SND1: variants seen among roughly 807,000 people sequenced by gnomAD.
SND1 encodes the protein staphylococcal nuclease and tudor domain containing 1.
Under a neutral mutation model 121.7 loss-of-function variants are expected in SND1, and 38 were observed. The ratio of observed to expected loss-of-function variants is 0.31; its 90% CI spans 0.24 to 0.41. The LOEUF (loss-of-function observed/expected upper bound fraction) is 0.41, where lower values mean the gene tolerates loss of function less well. Among genes scored for constraint, SND1 ranks in the 10% least tolerant of loss-of-function variants. The pLI is 1.00. For missense variants in SND1, 868 were observed against 1,184.6 expected, an observed-to-expected ratio of 0.73 and a Z score of 3.92; for synonymous variants, 401 against 447.4, an observed-to-expected ratio of 0.90 and a Z score of 1.31.
chr7:128,004,746 T>C (rs766833533), intron 16 of SND1, among the ~76,000 whole-genome samples: 4 of 152,232 alleles, frequency 2.6e-5, no homozygotes, highest in African/African-American at 9.6e-5. Flanking sequence ...CCAGCCATCA[T>C]AACCGTGTGT....
intron 15 of SND1, among the ~76,000 whole-genome samples, chr7:127,986,288 T>A (rs1802388275): frequency 6.6e-6 from 1 of 152,228 alleles, no homozygotes; most frequent in Non-Finnish European, 1.5e-5. Flanking sequence ...TGTCTCTAAA[T>A]GTATAATTTT....
intron 10 of SND1, among the ~76,000 whole-genome samples, chr7:127,797,549 C>T (rs1475471749): frequency 2.6e-5 from 4 of 152,098 alleles, no homozygotes; most frequent in Non-Finnish European, 4.4e-5. Context: ...CAGAGCACTT[C>T]GGGGGTGGGA....
chr7:127,785,844 A>G (rs2116529577), intron 10 of SND1, among the ~76,000 whole-genome samples: 1 of 152,320 alleles, frequency 6.6e-6, no homozygotes, highest in East Asian at 1.9e-4. Context: ...AGATCATTGA[A>G]TTTAAGTTAT....
At position 127,807,582 on chromosome 7, in the gene SND1, T is replaced by G; in HGVS notation, c.1242+9T>G. On this transcript the variant is annotated intron_variant, in intron 11 of 23. Coordinates refer to ENST00000354725, the MANE Select transcript of SND1 (RefSeq NM_014390.4). ...AGCTTATTGGGAAGAAGGTAAGTAA[T>G]TGATGACAGAAGCATATTTGCAAGT... The G allele has an allele frequency of 1.2e-6, 2 of 1,606,034 alleles. No individual in the cohort carries two copies. The highest frequency in any genetic ancestry group is 1.7e-6 in the Non-Finnish European group (2 of 1,172,642).
At chr7:128,003,744 G>C (rs983778720) in intron 16 of SND1, among the ~76,000 whole-genome samples, 1 of 152,218 alleles carries the variant, frequency 6.6e-6, no homozygotes, top group African/African-American at 2.4e-5. Context: ...CCTGCCACTT[G>C]GTAATTTTAG....
intron 22 of SND1, among the ~76,000 whole-genome samples, 163 bp from the exon 23 acceptor site, chr7:128,091,674 A>G (rs1192210451): frequency 6.6e-6 from 1 of 152,164 alleles, no homozygotes; most frequent in African/African-American, 2.4e-5. Flanking sequence ...CCAGGAGACT[A>G]ATGTGATTGT....
intron 17 of SND1, among the ~76,000 whole-genome samples, 169 bp downstream of exon 17, chr7:128,074,859 C>T (rs1476285292): frequency 1.3e-5 from 2 of 152,226 alleles, no homozygotes; most frequent in African/African-American, 4.8e-5. Context: ...GGAGAGGCTG[C>T]CAGCTGAGGT....
chr7:128,036,274 T>C (rs532357583), intron 16 of SND1, among the ~76,000 whole-genome samples: 1 of 152,332 alleles, frequency 6.6e-6, no homozygotes, highest in South Asian at 2.1e-4. Flanking sequence ...TAGCCATGAA[T>C]TTTCTGTTTA....
At chr7:127,713,123 T>C (rs116155235) in intron 9 of SND1, among the ~76,000 whole-genome samples, 1 of 152,266 alleles carries the variant, frequency 6.6e-6, no homozygotes, top group Non-Finnish European at 1.5e-5. Flanking sequence ...TTAGGCTTGG[T>C]GGCCATGTGG....
intron 12 of SND1, among the ~76,000 whole-genome samples, chr7:127,864,965 G>A (rs922670011): frequency 2.6e-5 from 4 of 152,208 alleles, no homozygotes; most frequent in African/African-American, 9.6e-5. Flanking sequence ...ATGAGGATGT[G>A]AGTGAACTCA....
At chr7:127,726,486 A>G (rs141583387) in intron 10 of SND1, among the ~76,000 whole-genome samples, 267 of 152,314 alleles carry the variant, frequency 1.8e-3, no homozygotes, top group African/African-American at 6.1e-3. Context: ...TGTTTTATCC[A>G]GTTGTTTGCT....
chr7:127,659,242 G>A (rs1266191324), intron 1 of SND1, among the ~76,000 whole-genome samples: 1 of 152,084 alleles, frequency 6.6e-6, no homozygotes, highest in Non-Finnish European at 1.5e-5. Context: ...GTGAACATTC[G>A]ATATAGATGG....
At chr7:127,877,822 G>A (rs1170890173) in intron 12 of SND1, among the ~76,000 whole-genome samples, 1 of 152,094 alleles carries the variant, frequency 6.6e-6, no homozygotes, top group African/African-American at 2.4e-5. Flanking sequence ...GTGAGATGTG[G>A]CCTCTGAAGC....
At position 127,732,806 on chromosome 7, in the gene SND1, G is replaced by A. The variant is rs538755470; in HGVS notation, c.1152+11406G>A. ...AAATCTCTAAATCTGTAGTTTGTAGGTATTGATTTCAAGAAGACACCTCAC... is the reference window on the plus strand; with the variant it reads ...AAATCTCTAAATCTGTAGTTTGTAGATATTGATTTCAAGAAGACACCTCAC... On this transcript the variant is annotated intron_variant, in intron 10 of 23. Coordinates refer to ENST00000354725, the MANE Select transcript of SND1 (RefSeq NM_014390.4). Among the ~76,000 whole-genome samples, 4 of 152,252 alleles carry A rather than the reference G, an allele frequency of 2.6e-5. No homozygotes were observed. In the South Asian group the frequency reaches 8.3e-4, roughly 32 times the overall value.
chr7:128,046,365 G>GTTTTT (rs373853260), intron 16 of SND1, among the ~76,000 whole-genome samples: 7 of 115,276 alleles, frequency 6.1e-5, no homozygotes, highest in Non-Finnish European at 8.9e-5. Context: ...TTGTTGTTGT[G>GTTTTT]TTTTTTTTTT....
At chr7:127,871,692 G>T (rs1044413626) in intron 12 of SND1, among the ~76,000 whole-genome samples, 1 of 152,116 alleles carries the variant, frequency 6.6e-6, no homozygotes, top group South Asian at 2.1e-4. Context: ...AATGTGTAAG[G>T]TATGCTTAAT....
At chr7:127,692,074 C>T (rs549497737) in intron 2 of SND1, among the ~76,000 whole-genome samples, 3 of 152,120 alleles carry the variant, frequency 2.0e-5, no homozygotes, top group East Asian at 1.9e-4. Context: ...CCAGATGGCA[C>T]GGTGGGGTGG....
At chr7:127,896,729 C>G (rs1043886160) in intron 13 of SND1, among the ~76,000 whole-genome samples, 1 of 152,092 alleles carries the variant, frequency 6.6e-6, no homozygotes, top group Non-Finnish European at 1.5e-5. Context: ...CTTTATTCCC[C>G]TTGACTCCTG....
chr7:127,964,552 A>T (rs1189367308), intron 15 of SND1, among the ~76,000 whole-genome samples: 1 of 151,864 alleles, frequency 6.6e-6, no homozygotes, highest in African/African-American at 2.4e-5. Flanking sequence ...TTTGTCAAAG[A>T]TCAGATAGTT....
Sources: gnomAD v4.1 joint callset for allele counts (sites outside exome capture counted in the v4.1 genomes callset) on GRCh38, gnomAD v4.1.1 for gene constraint, MANE v1.5 for transcripts, NCBI Gene and HGNC (gene_info 2026-07-23, HGNC 2026-07-21) for gene names.